The following ARIH1 variants were observed in gnomAD, a reference collection of about 807,000 sequenced individuals.
ARIH1 encodes the protein ariadne RBR E3 ubiquitin protein ligase 1, also known as E3 ubiquitin-protein ligase ARIH1.
Under a neutral mutation model 85.0 loss-of-function variants are expected in ARIH1, and 8 were observed. That is an observed-to-expected ratio of 0.09 (90% CI 0.06 to 0.17). The LOEUF (loss-of-function observed/expected upper bound fraction) is 0.17. Ranked by LOEUF, ARIH1 falls within the 10% of genes least tolerant of loss-of-function variation. The probability of loss-of-function intolerance (pLI) is 1.00; values close to 1 mark genes in which losing one functional copy is unlikely to be tolerated. For missense variants in ARIH1, 311 were observed against 718.1 expected (o/e 0.43, Z 6.48); for synonymous variants, 238 against 253.6 (o/e 0.94, Z 0.59).
intron 2 of ARIH1, among the ~76,000 whole-genome samples, chr15:72,527,000 C>CA (rs1327221447): frequency 6.6e-6 from 1 of 151,910 alleles, no homozygotes; most frequent in East Asian, 1.9e-4. Flanking sequence ...AATACAGCAA[C>CA]AACTGTTATC....
chr15:72,528,237 C>T (rs1470017201), intron 2 of ARIH1, among the ~76,000 whole-genome samples: 1 of 152,122 alleles, frequency 6.6e-6, no homozygotes, highest in Non-Finnish European at 1.5e-5. Context: ...TGGTTGAAAA[C>T]TTAACCACCT....
intron 1 of ARIH1, among the ~76,000 whole-genome samples, chr15:72,496,637 C>T (rs1567339522): frequency 1.3e-5 from 2 of 152,158 alleles, no homozygotes; most frequent in Admixed American, 1.3e-4. Context: ...TTGCAAATAC[C>T]AAGTTCAGGT....
rs2064352864 is a variant in ARIH1 at position 72,593,960 on chromosome 15, G to A, written c.*10668G>A. On this transcript the variant is annotated 3_prime_UTR_variant, in exon 14 of 14. Coordinates refer to ENST00000379887, the MANE Select transcript of ARIH1 (RefSeq NM_005744.5). ...GAATCTTGATATGGGGTTTTGTTGAGTCTATAGGTCAATTTAGAATGAACA... is the reference window on the plus strand; with the variant it reads ...GAATCTTGATATGGGGTTTTGTTGAATCTATAGGTCAATTTAGAATGAACA... 1 of 151,320 alleles carries A rather than the reference G, an allele frequency of 6.6e-6. No homozygotes were observed. Among genetic ancestry groups the A allele is most frequent in the African/African-American group, 2.4e-5 (1 of 41,220 alleles). 9.4% of individuals were successfully genotyped at this position (151,320 alleles called of 1,614,324 possible).
At chr15:72,475,046 G>A in intron 1 of ARIH1, 32 bp downstream of exon 1, 1 of 1,547,058 alleles carries the variant, frequency 6.5e-7, no homozygotes. Context: ...GCTGGACCGG[G>A]CCCGACGGGG....
chr15:72,561,670 A>G (rs937007735), intron 6 of ARIH1, 121 bp downstream of exon 6: 1 of 634,456 alleles, frequency 1.6e-6, no homozygotes, highest in African/African-American at 1.9e-5. Context: ...AAGCATGCCA[A>G]AATACCTTTA....
chr15:72,507,875 T>C (rs1227591039), intron 1 of ARIH1, among the ~76,000 whole-genome samples: 1 of 152,212 alleles, frequency 6.6e-6, no homozygotes, highest in Non-Finnish European at 1.5e-5. Flanking sequence ...TGGAATGTTA[T>C]TTTCTTTAGA....
intron 1 of ARIH1, among the ~76,000 whole-genome samples, chr15:72,475,352 G>T (rs1033622183): frequency 6.6e-6 from 1 of 152,248 alleles, no homozygotes; most frequent in Non-Finnish European, 1.5e-5. Flanking sequence ...GGGGCGGGGC[G>T]GAGGAGGTGG....
chr15:72,561,651 A>C (rs1344421876), intron 6 of ARIH1, 102 bp downstream of exon 6: 1 of 738,824 alleles, frequency 1.4e-6, no homozygotes, highest in African/African-American at 1.8e-5. Context: ...CATCTTTAAC[A>C]TATTTATGAA....
chr15:72,557,039 G>A (rs1294851679), intron 5 of ARIH1, among the ~76,000 whole-genome samples: 2 of 152,122 alleles, frequency 1.3e-5, no homozygotes, highest in Non-Finnish European at 2.9e-5. Context: ...TAGTGAATGT[G>A]TCTTTTTGGT....
chr15:72,555,282 C>G lies in ARIH1; in HGVS notation c.600C>G (p.Gly200=). 6.2e-7 allele frequency: 1 copy of G among 1,612,338 alleles called. No homozygotes were observed. Among genetic ancestry groups the G allele is most frequent in the Non-Finnish European group, 8.5e-7 (1 of 1,178,684 alleles). Residue 200 remains glycine, a synonymous_variant, in exon 4 of 14, where the codon GGC becomes GGG. Transcript: ENST00000379887. ...YLNYPNSYFT[G]LECGHKFCMQ... ...TGTTTTTCTTACAGTATTTCACTGG[C>G]CTTGAATGTGGACATAAGTTTTGTA...
chr15:72,507,659 T>C (rs2063932007), intron 1 of ARIH1, among the ~76,000 whole-genome samples: 2 of 152,142 alleles, frequency 1.3e-5, no homozygotes, highest in South Asian at 4.1e-4. Flanking sequence ...CATAGCAAGA[T>C]CCTGTCTTTA....
chr15:72,577,239 C>G (rs2064275705), intron 11 of ARIH1, among the ~76,000 whole-genome samples: 1 of 151,998 alleles, frequency 6.6e-6, no homozygotes, highest in African/African-American at 2.4e-5. Flanking sequence ...CCCACCTCAG[C>G]CTCCCATAAT....
At chr15:72,540,185 G>A (rs556187690) in intron 2 of ARIH1, among the ~76,000 whole-genome samples, 40 of 151,250 alleles carry the variant, frequency 2.6e-4, no homozygotes, top group African/African-American at 9.0e-4. Context: ...TTGAACCTGG[G>A]AGGCGGAGGT....
At position 72,584,105 on chromosome 15, in the gene ARIH1, T is replaced by C. The variant is rs1395878766; in HGVS notation, c.*813T>C. 6.6e-6 allele frequency: 1 copy of C among 152,206 alleles called. No individual in the cohort carries two copies. Among genetic ancestry groups the C allele is most frequent in the Non-Finnish European group, 1.5e-5 (1 of 68,034 alleles). The allele number at this position is 152,206 out of a possible 1,614,324, so 9.4% of individuals were successfully genotyped here. A position where few individuals can be genotyped will look rare whatever the true frequency, so the allele number is the denominator to read the frequency against. On this transcript the variant is annotated 3_prime_UTR_variant, in exon 14 of 14. Transcript: ENST00000379887. ...CGGTTTAGCACCTCTGGAAGACCTA[T>C]CTAGAGCTCTTTCACTTTCCTGAGG...
intron 1 of ARIH1, among the ~76,000 whole-genome samples, chr15:72,485,127 G>T (rs191636175): frequency 1.3e-5 from 2 of 152,116 alleles, no homozygotes; most frequent in Admixed American, 1.3e-4. Flanking sequence ...CATTCTTGGC[G>T]TGACTGAAGT....
At chr15:72,523,593 A>T (rs924810361) in intron 2 of ARIH1, among the ~76,000 whole-genome samples, 12 of 151,266 alleles carry the variant, frequency 7.9e-5, no homozygotes, top group African/African-American at 2.9e-4. Context: ...ATCATTATGC[A>T]TTTGTCCTGA....
intron 1 of ARIH1, among the ~76,000 whole-genome samples, chr15:72,481,939 C>T (rs532036546): frequency 2.6e-5 from 4 of 152,180 alleles, no homozygotes; most frequent in South Asian, 4.2e-4. Flanking sequence ...TGGGTTCAAG[C>T]GATTCTCCTC....
intron 11 of ARIH1, among the ~76,000 whole-genome samples, chr15:72,575,286 G>T (rs1473450015): frequency 6.6e-6 from 1 of 152,068 alleles, no homozygotes; most frequent in Non-Finnish European, 1.5e-5. Flanking sequence ...TTTGATTGGA[G>T]AATTTGTCTT....
intron 6 of ARIH1, 82 bp from the exon 7 acceptor site, chr15:72,563,312 G>C (rs1283500207): frequency 4.1e-6 from 5 of 1,215,558 alleles, no homozygotes; most frequent in Non-Finnish European, 4.8e-6. Flanking sequence ...TCCCGCCTTG[G>C]CCTCCCTAAG....
Sources: gnomAD v4.1 joint callset for allele counts (sites outside exome capture counted in the v4.1 genomes callset) on GRCh38, gnomAD v4.1.1 for gene constraint, MANE v1.5 for transcripts, NCBI Gene and HGNC (gene_info 2026-07-23, HGNC 2026-07-21) for gene names.